MTTP: variants seen among roughly 807,000 people sequenced by gnomAD.
MTTP encodes the protein microsomal triglyceride transfer protein, also known as microsomal triglyceride transfer protein large subunit.
MTTP carries 49 observed loss-of-function variants against 90.6 expected under a neutral mutation model. The ratio of observed to expected loss-of-function variants is 0.54; its 90% confidence interval spans 0.43 to 0.69. The LOEUF (loss-of-function observed/expected upper bound fraction) is 0.69. MTTP is among the 30% of genes least tolerant of loss of function. The pLI, the probability that MTTP is intolerant of heterozygous loss-of-function variation, is 0.00. For missense variants in MTTP, 945 were observed against 1,067.5 expected, an observed-to-expected ratio of 0.89 and a Z score of 1.60; for synonymous variants, 347 against 384.2, an observed-to-expected ratio of 0.90 and a Z score of 1.13.
intron 4 of MTTP, among the ~76,000 whole-genome samples, chr4:99,590,947 T>C (rs1313388911): frequency 6.6e-6 from 1 of 152,052 alleles, no homozygotes; most frequent in Non-Finnish European, 1.5e-5. Flanking sequence ...GTTTCAATTA[T>C]TACCAGGCCA....
chr4:99,570,367 A>G (rs984654690), upstream of MTTP, among the ~76,000 whole-genome samples: 4 of 150,206 alleles, frequency 2.7e-5, no homozygotes, highest in African/African-American at 9.8e-5. Context: ...ACTGTTAATA[A>G]TTTAGTAGTT....
intron 7 of MTTP, among the ~76,000 whole-genome samples, chr4:99,596,260 G>A (rs1725549605): frequency 6.6e-6 from 1 of 152,108 alleles, no homozygotes. Context: ...TTACTATAGA[G>A]TTAGAGAGTT....
chr4:99,613,402 G>A (rs1316176242), intron 15 of MTTP, among the ~76,000 whole-genome samples: 1 of 152,104 alleles, frequency 6.6e-6, no homozygotes, highest in Non-Finnish European at 1.5e-5. Flanking sequence ...GAAAGTTTAG[G>A]ACACAACAGA....
chr4:99,575,036 G>A (rs1419013975), intron 1 of MTTP, 66 bp downstream of exon 1: 7 of 1,450,764 alleles, frequency 4.8e-6, no homozygotes, highest in Admixed American at 1.7e-5. Flanking sequence ...AGATACGTGC[G>A]TGTGTGTGTG....
At chr4:99,613,861 T>C (rs1017843004) in intron 15 of MTTP, among the ~76,000 whole-genome samples, 1 of 152,190 alleles carries the variant, frequency 6.6e-6, no homozygotes, top group African/African-American at 2.4e-5. Context: ...CCTAATTAGA[T>C]TTTCTGAAAA....
chr4:99,613,164 T>A, intron 15 of MTTP, 24 bp downstream of exon 15: 2 of 1,588,012 alleles, frequency 1.3e-6, no homozygotes, highest in Non-Finnish European at 1.7e-6. Flanking sequence ...TCTGTGAGTA[T>A]TTATTGAGTC....
At chr4:99,571,233 A>G (rs960140086), upstream of MTTP, among the ~76,000 whole-genome samples, 15 of 151,968 alleles carry the variant, frequency 9.9e-5, no homozygotes, top group Admixed American at 9.2e-4. Context: ...ATATCTACAT[A>G]TTAAGAATTA....
At chr4:99,620,712 T>A (rs1720133854) in intron 16 of MTTP, among the ~76,000 whole-genome samples, 1 of 152,220 alleles carries the variant, frequency 6.6e-6, no homozygotes, top group Non-Finnish European at 1.5e-5. Flanking sequence ...TAATATAACT[T>A]GGGTATTTCT....
At chr4:99,564,918 C>T (rs138285197) in intron 1 of MTTP, among the ~76,000 whole-genome samples, 1 of 152,304 alleles carries the variant, frequency 6.6e-6, no homozygotes, top group Admixed American at 6.5e-5. Context: ...TCACTCTTGC[C>T]ATAAGCCCTT....
rs766183665 is a variant in MTTP, at chr4:99,597,202, A to G, written c.1045A>G (p.Lys349Glu). Residue 349 changes from lysine to glutamate, a missense_variant, in exon 8 of 18, where the codon AAG becomes GAG. Lys to Glu is a moderately conservative substitution (Grantham distance 56, BLOSUM62 1). Transcript: ENST00000265517. ...AKKEEILQILKMENKEVLPQL... is the reference protein window; with the variant it reads ...AKKEEILQILEMENKEVLPQL... Reference sequence around the variant, plus strand: ...GAAAGAAGAGATCCTTCAAATACTAAAGATGGAAAATAAGGAAGTATTGTA... The same window carrying G: ...GAAAGAAGAGATCCTTCAAATACTAGAGATGGAAAATAAGGAAGTATTGTA... 1.2e-6 allele frequency: 2 copies of G among 1,613,628 alleles called. No homozygotes were observed. The highest frequency in any genetic ancestry group is 1.7e-6 in the Non-Finnish European group (2 of 1,179,822).
intron 1 of MTTP, among the ~76,000 whole-genome samples, chr4:99,580,241 G>A (rs920988801): frequency 3.3e-5 from 5 of 151,464 alleles, no homozygotes; most frequent in Non-Finnish European, 7.4e-5. Context: ...GAGATATATA[G>A]TATAGATAAG....
intron 12 of MTTP, 145 bp downstream of exon 12, chr4:99,609,122 G>A: frequency 1.3e-6 from 1 of 781,132 alleles, no homozygotes. Flanking sequence ...CCATAATAGG[G>A]CTATTTAGGG....
chr4:99,572,286 C>T (rs556891083), upstream of MTTP, among the ~76,000 whole-genome samples: 1 of 151,800 alleles, frequency 6.6e-6, no homozygotes, highest in South Asian at 2.1e-4. Flanking sequence ...TCAGTTTTAC[C>T]CCTGTATGTT....
chr4:99,590,954 G>C (rs1419717848), intron 4 of MTTP, among the ~76,000 whole-genome samples: 1 of 151,714 alleles, frequency 6.6e-6, no homozygotes, highest in Admixed American at 6.6e-5. Flanking sequence ...TTATTACCAG[G>C]CCATTTGTCT....
chr4:99,596,949 C>T (rs1383722404), intron 7 of MTTP, 118 bp from the exon 8 acceptor site: 12 of 1,393,988 alleles, frequency 8.6e-6, no homozygotes, highest in Non-Finnish European at 1.2e-5. Flanking sequence ...AGGTAAGGTA[C>T]AAAAAGCTGC....
intron 3 of MTTP, chr4:99,584,110 T>C (rs1160425078): frequency 6.6e-6 from 1 of 152,248 alleles, no homozygotes; most frequent in Non-Finnish European, 1.5e-5. Flanking sequence ...TGAAAATCTG[T>C]TTTAAAAATT....
intron 6 of MTTP, among the ~76,000 whole-genome samples, chr4:99,592,306 C>A (rs531917407): frequency 6.6e-6 from 1 of 152,316 alleles, no homozygotes; most frequent in South Asian, 2.1e-4. Flanking sequence ...TTTATAAACA[C>A]TGTACACTTA....
At chr4:99,575,655 G>GA (rs1724938512) in intron 1 of MTTP, among the ~76,000 whole-genome samples, 1 of 152,126 alleles carries the variant, frequency 6.6e-6, no homozygotes, top group Non-Finnish European at 1.5e-5. Flanking sequence ...AAAGGCAAGT[G>GA]AAAAAACATT....
chr4:99,566,297 G>GAAAAAAA (rs567380343), intron 1 of MTTP, among the ~76,000 whole-genome samples: 15 of 117,526 alleles, frequency 1.3e-4, no homozygotes, highest in Middle Eastern at 5.4e-3. Flanking sequence ...TCAAAAAAAA[G>GAAAAAAA]AAAAAAAAAA....
Sources: gnomAD v4.1 joint callset for allele counts (sites outside exome capture counted in the v4.1 genomes callset) on GRCh38, gnomAD v4.1.1 for gene constraint, MANE v1.5 for transcripts, NCBI Gene and HGNC (gene_info 2026-07-23, HGNC 2026-07-21) for gene names.